Variants in SYNE1 observed in about 807,000 individuals in gnomAD.
SYNE1 encodes spectrin repeat containing nuclear envelope protein 1.
In SYNE1, 616 loss-of-function variants were observed where a neutral mutation model predicts 1,111.0. The observed-to-expected ratio is 0.55, with a 90% CI of 0.52 to 0.59. The LOEUF (loss-of-function observed/expected upper bound fraction) is 0.59, where lower values mean the gene tolerates loss of function less well. SYNE1 is among the 20% of genes least tolerant of loss of function. The pLI is 0.00. For missense variants in SYNE1, 10,006 were observed against 10,417.0 expected (o/e 0.96, Z 1.72); for synonymous variants, 3,855 against 3,825.8 (o/e 1.01, Z -0.28).
At chr6:152,311,775 A>ATTTTTTTTT (rs762825816) in intron 87 of SYNE1, among the ~76,000 whole-genome samples, 1 of 139,322 alleles carries the variant, frequency 7.2e-6, no homozygotes, top group African/African-American at 2.8e-5. Context: ...GCAATAGACT[A>ATTTTTTTTT]TTTATTTATT....
chr6:152,469,780 G>C (rs892325014), intron 16 of SYNE1, among the ~76,000 whole-genome samples: 1 of 152,088 alleles, frequency 6.6e-6, no homozygotes, highest in Admixed American at 6.6e-5. Flanking sequence ...ACCACCTGGA[G>C]CGTGTGCCGC....
chr6:152,489,598 T>G (rs535847977), intron 11 of SYNE1, among the ~76,000 whole-genome samples: 1 of 152,254 alleles, frequency 6.6e-6, no homozygotes, highest in Non-Finnish European at 1.5e-5. Context: ...GTACAGAGGT[T>G]GTCACATTCT....
intron 52 of SYNE1, 23 bp downstream of exon 52, chr6:152,391,254 T>C (rs2097620444): frequency 2.4e-5 from 39 of 1,613,578 alleles, no homozygotes; most frequent in Non-Finnish European, 3.3e-5. Flanking sequence ...CAGTTGTCAG[T>C]GTCTGGCTGG....
At chr6:152,334,347 CA>C in intron 76 of SYNE1, 74 bp from the exon 77 acceptor site, 12 of 1,535,600 alleles carry the variant, frequency 7.8e-6, no homozygotes, top group Non-Finnish European at 1.1e-5. Flanking sequence ...GCAACACAGA[CA>C]TAAGACCTTT....
chr6:152,470,791 TAAATG>T (rs1264171776), intron 16 of SYNE1, among the ~76,000 whole-genome samples: 1 of 152,196 alleles, frequency 6.6e-6, no homozygotes, highest in Admixed American at 6.5e-5. Context: ...TGTTTAAACA[TAAATG>T]AAACAGTACA....
intron 119 of SYNE1, among the ~76,000 whole-genome samples, chr6:152,220,396 A>T (rs574313582): frequency 6.6e-6 from 1 of 152,348 alleles, no homozygotes; most frequent in East Asian, 1.9e-4. Flanking sequence ...ATACCAGTAA[A>T]TTAGGAGAGA....
At chr6:152,301,453 A>G (rs908858175) in intron 92 of SYNE1, among the ~76,000 whole-genome samples, 1 of 152,218 alleles carries the variant, frequency 6.6e-6, no homozygotes, top group African/African-American at 2.4e-5. Flanking sequence ...ACATTTATAC[A>G]GTAGAGTACA....
intron 3 of SYNE1, among the ~76,000 whole-genome samples, chr6:152,602,344 G>A (rs975731546): frequency 6.6e-6 from 1 of 152,136 alleles, no homozygotes. Flanking sequence ...ATGAAGAAGA[G>A]ATAGGAAGAA....
At position 152,156,088 on chromosome 6, in the gene SYNE1, T is replaced by C. The variant is rs749917033; in HGVS notation, c.23800A>G (p.Arg7934Gly). The C allele has an allele frequency of 1.2e-6, 2 of 1,614,222 alleles. No individual in the cohort carries two copies. Among genetic ancestry groups the C allele is most frequent in the South Asian group, 2.2e-5 (2 of 91,088 alleles). The change falls in exon 132 of 146, where the codon AGA becomes GGA. Residue 7934 changes from arginine (R) to glycine (G), a missense_variant. This residue lies in a region of SYNE1 where 2,182 missense variants were observed against 2,287.8 expected (regional missense o/e 0.95). Transcript: ENST00000367255. ...CCTGTACTGTGCTTCTCTATGTCTCTCTGAAGCTCCTGCAGGGGAACGTAA... is the reference window on the plus strand; with the variant it reads ...CCTGTACTGTGCTTCTCTATGTCTCCCTGAAGCTCCTGCAGGGGAACGTAA... ...RKLNEQQELQ[R>G]DIEKHSTGVA... is the part of the protein sequence containing the mutation.
intron 76 of SYNE1, chr6:152,336,087 T>C (rs1272593012): frequency 2.0e-5 from 3 of 152,094 alleles, no homozygotes; most frequent in Non-Finnish European, 2.9e-5. Flanking sequence ...AGCTCAAATA[T>C]ATAACTAATG....
chr6:152,155,872 CT>C (rs770781184), intron 132 of SYNE1, 37 bp downstream of exon 132: 3 of 1,611,486 alleles, frequency 1.9e-6, no homozygotes, highest in Non-Finnish European at 2.5e-6. Flanking sequence ...TCTTTTTGGT[CT>C]TTCCTCTTCC....
intron 3 of SYNE1, among the ~76,000 whole-genome samples, chr6:152,581,494 C>T (rs926060892): frequency 6.6e-6 from 1 of 152,180 alleles, no homozygotes; most frequent in African/African-American, 2.4e-5. Flanking sequence ...GGAAAATAAC[C>T]ATGTAAACAT....
intron 63 of SYNE1, among the ~76,000 whole-genome samples, chr6:152,362,667 G>A (rs1005535318): frequency 2.0e-5 from 3 of 152,140 alleles, no homozygotes; most frequent in African/African-American, 7.2e-5. Context: ...CCAAAGCTCT[G>A]GGCAGGGAGA....
chr6:152,565,242 G>C (rs1272799080), intron 3 of SYNE1, among the ~76,000 whole-genome samples: 1 of 152,108 alleles, frequency 6.6e-6, no homozygotes, highest in Non-Finnish European at 1.5e-5. Context: ...ACATTCAAAG[G>C]TATATTTACT....
chr6:152,623,648 C>A (rs2099680169), intron 3 of SYNE1, among the ~76,000 whole-genome samples: 1 of 152,118 alleles, frequency 6.6e-6, no homozygotes, highest in African/African-American at 2.4e-5. Flanking sequence ...TATCCAGCAT[C>A]TATAAGGAAC....
intron 10 of SYNE1, among the ~76,000 whole-genome samples, chr6:152,499,953 T>C (rs1395033589): frequency 1.3e-5 from 2 of 152,232 alleles, no homozygotes; most frequent in African/African-American, 4.8e-5. Flanking sequence ...CAATAGATTG[T>C]GTGTTTCGAA....
At chr6:152,190,322 C>A (rs901457533) in intron 127 of SYNE1, among the ~76,000 whole-genome samples, 1 of 152,220 alleles carries the variant, frequency 6.6e-6, no homozygotes, top group African/African-American at 2.4e-5. Flanking sequence ...GCTACTCCCT[C>A]CACCACTGAA....
chr6:152,335,413 T>A (rs547561424), intron 76 of SYNE1: 1 of 152,362 alleles, frequency 6.6e-6, no homozygotes, highest in Non-Finnish European at 1.5e-5. Context: ...CTGTATTTTC[T>A]AAGCCTTTTA....
chr6:152,357,699 A>G (rs2096861141), intron 66 of SYNE1, among the ~76,000 whole-genome samples: 1 of 152,164 alleles, frequency 6.6e-6, no homozygotes, highest in Non-Finnish European at 1.5e-5. Flanking sequence ...ATCAGATTTC[A>G]AGTTTCTTGA....
Sources: gnomAD v4.1 joint callset for allele counts (sites outside exome capture counted in the v4.1 genomes callset) on GRCh38, gnomAD v4.1.1 for gene constraint, gnomAD v4.1.1 regional missense constraint, MANE v1.5 for transcripts, NCBI Gene and HGNC (gene_info 2026-07-23, HGNC 2026-07-21) for gene names.